PIK3C2B: variants seen among roughly 807,000 people sequenced by gnomAD.
PIK3C2B encodes phosphatidylinositol-4-phosphate 3-kinase catalytic subunit type 2 beta, also known as phosphatidylinositol 4-phosphate 3-kinase C2 domain-containing subunit beta.
Under a neutral mutation model 184.3 loss-of-function variants are expected in PIK3C2B, and 83 were observed. The ratio of observed to expected loss-of-function variants is 0.45; its 90% CI spans 0.38 to 0.54. The LOEUF (loss-of-function observed/expected upper bound fraction) is 0.54, where lower values mean the gene tolerates loss of function less well. PIK3C2B is among the 20% of genes least tolerant of loss of function. The pLI, the probability that PIK3C2B is intolerant of heterozygous loss-of-function variation, is 0.00. For missense variants in PIK3C2B, 1,736 were observed against 2,113.5 expected, an observed-to-expected ratio of 0.82 and a Z score of 3.50; for synonymous variants, 779 against 837.6, an observed-to-expected ratio of 0.93 and a Z score of 1.21.
chr1:204,468,582 A>G (rs1381184229), intron 2 of PIK3C2B, among the ~76,000 whole-genome samples: 3 of 152,268 alleles, frequency 2.0e-5, no homozygotes, highest in Admixed American at 2.0e-4. Flanking sequence ...TACATCAGGA[A>G]GCAGGCACAC....
chr1:204,481,654 G>A (rs1657159661), intron 1 of PIK3C2B, among the ~76,000 whole-genome samples: 2 of 152,176 alleles, frequency 1.3e-5, no homozygotes. Context: ...GGCAGCTCCG[G>A]CCCTTCCCCA....
chr1:204,475,674 C>T lies in PIK3C2B; in HGVS notation c.-84-5788G>A, dbSNP rs148286556. On this transcript the variant is annotated intron_variant, in intron 1 of 32. Coordinates refer to ENST00000684373, the MANE Select transcript of PIK3C2B (RefSeq NM_001377334.1). ...TCTGGGATTCCTTGATTCCAACCTA[C>T]TGATTCCTTAGGTCAAATCTCTCAG... 9.8e-3 allele frequency among the ~76,000 whole-genome samples: 1,492 copies of T among 152,326 alleles called. 13 individuals are homozygous for T. Among genetic ancestry groups the T allele is most frequent in the Middle Eastern group, 0.027 (8 of 294 alleles).
rs1207675916 is a variant in PIK3C2B, at chr1:204,427,707, G to A, written c.4528C>T (p.Leu1510=). ...PVGKVGGEVK[L]SISYKNNKLF... is the part of the protein sequence containing the mutation. ...TTATTGTTTTTGTAGGAGATGGACAGCTTCACCTCCCCTCCCACCTTTCCG... is the reference window on the plus strand; with the variant it reads ...TTATTGTTTTTGTAGGAGATGGACAACTTCACCTCCCCTCCCACCTTTCCG... The change falls in exon 31 of 33, where the codon CTG becomes TTG. Residue 1510 remains leucine, a synonymous_variant. Coordinates refer to ENST00000684373, the MANE Select transcript of PIK3C2B (RefSeq NM_001377334.1). 6.2e-7 allele frequency: 1 copy of A among 1,614,124 alleles called. No homozygotes were observed. Among genetic ancestry groups the A allele is most frequent in the Non-Finnish European group, 8.5e-7 (1 of 1,179,956 alleles).
chr1:204,446,985 G>A (rs974687423), intron 15 of PIK3C2B, among the ~76,000 whole-genome samples: 23 of 152,016 alleles, frequency 1.5e-4, no homozygotes, highest in African/African-American at 4.6e-4. Flanking sequence ...CTGGACTCAC[G>A]TACCCCTGAG....
rs933002422 is a variant in PIK3C2B, at chr1:204,431,631, C to T, written c.4280+38G>A. The T allele has an allele frequency of 1.4e-5, 22 of 1,612,724 alleles. No individual in the cohort carries two copies. In the Admixed American group the frequency reaches 2.0e-4, roughly 15 times the overall value. On this transcript the variant is annotated intron_variant, in intron 28 of 32. Transcript: ENST00000684373. ...CCATCCCGTATCCTTTCCCCCTCCCCGACATCCCTCTGTGCAGATAGTAAA... is the reference window on the plus strand; with the variant it reads ...CCATCCCGTATCCTTTCCCCCTCCCTGACATCCCTCTGTGCAGATAGTAAA...
intron 32 of PIK3C2B, 146 bp from the exon 33 acceptor site, chr1:204,425,186 A>T (rs1674681187): frequency 3.1e-6 from 2 of 635,328 alleles, no homozygotes; most frequent in Non-Finnish European, 5.6e-6. Flanking sequence ...GGTAATACAG[A>T]AGGCACACAA....
chr1:204,492,035 C>T (rs1242558163), intron 1 of PIK3C2B, among the ~76,000 whole-genome samples: 1 of 152,190 alleles, frequency 6.6e-6, no homozygotes. Context: ...ACTACTCTTT[C>T]CTTAGCAAGA....
chr1:204,426,321 G>C (rs1377449465), intron 31 of PIK3C2B, among the ~76,000 whole-genome samples: 2 of 152,142 alleles, frequency 1.3e-5, no homozygotes, highest in Non-Finnish European at 2.9e-5. Flanking sequence ...TCTCGACTTT[G>C]CTCCATCGGC....
Position 204,443,997 on chromosome 1 carries a change from G to A in PIK3C2B, c.2867+71C>T, listed in dbSNP as rs1026981621. 49 of 1,067,164 alleles carry A rather than the reference G, an allele frequency of 4.6e-5. 1 individual carries two copies. Among genetic ancestry groups the A allele is most frequent in the South Asian group, 2.5e-4 (20 of 78,872 alleles). 66.1% of individuals were successfully genotyped at this position (1,067,164 alleles called of 1,614,324 possible). ...GGACAACTCAGTTCCTTGCCCTTGC[G>A]TGCCTAAGAGTGAAATACTCCTACG... On this transcript the variant is annotated intron_variant, in intron 18 of 32. Transcript: ENST00000684373.
rs1489048510 is a variant in PIK3C2B, at chr1:204,465,395, A to G, written c.934-76T>C. 4 of 854,586 alleles carry G rather than the reference A, an allele frequency of 4.7e-6. No homozygotes were observed. In the African/African-American group the frequency reaches 6.8e-5, roughly 14 times the overall value. The allele number at this position is 854,586 out of a possible 1,614,324, so 52.9% of individuals were successfully genotyped here. The stretch of plus-strand genomic sequence containing the variant: ...TCCCTATGAGGTACTCCAGACCTAA[A>G]CTCAAACTCTAGATGAAAAGACTTT... On this transcript the variant is annotated intron_variant, in intron 2 of 32. Transcript: ENST00000684373.
chr1:204,442,957 C>T (rs996433294), intron 19 of PIK3C2B, among the ~76,000 whole-genome samples: 2 of 152,184 alleles, frequency 1.3e-5, no homozygotes, highest in East Asian at 1.9e-4. Context: ...ACAATCTGGA[C>T]GTTGATACAA....
At chr1:204,466,290 G>T (rs1474594398) in intron 2 of PIK3C2B, among the ~76,000 whole-genome samples, 2 of 152,194 alleles carry the variant, frequency 1.3e-5, no homozygotes, top group African/African-American at 2.4e-5. Flanking sequence ...AGCTGTTTCT[G>T]GCGGGAGTCT....
intron 21 of PIK3C2B, 83 bp downstream of exon 21, chr1:204,441,388 C>T: frequency 3.7e-6 from 3 of 811,418 alleles, no homozygotes; most frequent in South Asian, 1.5e-5. Context: ...AAGAGAACCA[C>T]CCAGGGGCTA....
At chr1:204,485,576 C>CT (rs11407141) in intron 1 of PIK3C2B, among the ~76,000 whole-genome samples, 61,425 of 140,328 alleles carry the variant, frequency 0.44, 13,866 homozygotes, top group Admixed American at 0.5. Flanking sequence ...GTCATTCTTC[C>CT]TTTTTTTTTT....
chr1:204,468,792 G>T (rs896579845), intron 2 of PIK3C2B, 78 bp downstream of exon 2: 284 of 1,284,056 alleles, frequency 2.2e-4, no homozygotes, highest in Non-Finnish European at 3.0e-4. Flanking sequence ...AGAGTTGGAT[G>T]TAGAACAGCA....
At chr1:204,465,391 C>T (rs1216102897) in intron 2 of PIK3C2B, 72 bp from the exon 3 acceptor site, 17 of 894,784 alleles carry the variant, frequency 1.9e-5, no homozygotes, top group Non-Finnish European at 3.0e-5. Context: ...TACTCCAGAC[C>T]TAAACTCAAA....
chr1:204,441,437 C>A, intron 21 of PIK3C2B, 34 bp downstream of exon 21: 13 of 1,456,030 alleles, frequency 8.9e-6, no homozygotes, highest in Non-Finnish European at 1.3e-5. Context: ...TCTCTCCCAC[C>A]CTGGTCCACC....
chr1:204,428,052 A>G lies in PIK3C2B; in HGVS notation c.4480+87T>C. 4.0e-6 allele frequency: 3 copies of G among 754,842 alleles called. No homozygotes were observed. The South Asian group carries it at 4.6e-5, about 12-fold the overall frequency. 46.8% of individuals were successfully genotyped at this position (754,842 alleles called of 1,614,324 possible). ...GGAACAGGAGGCAAGTCAAGGAGAG[A>G]GAACTGAGAAGAGGTTGGGGCAGAA... On this transcript the variant is annotated intron_variant, in intron 30 of 32. Coordinates refer to ENST00000684373, the MANE Select transcript of PIK3C2B (RefSeq NM_001377334.1).
chr1:204,460,575 A>G lies in PIK3C2B; in HGVS notation c.1397T>C (p.Val466Ala), dbSNP rs1195190376. 4 of 1,613,846 alleles carry G rather than the reference A, an allele frequency of 2.5e-6. No homozygotes were observed. Among genetic ancestry groups the G allele is most frequent in the Admixed American group, 3.3e-5 (2 of 59,998 alleles). ...CGTCCGGGCCAGGTCACTGCGCACAACCTTCTGCTCCATCAGCTGTAGCCG... is the reference window on the plus strand; with the variant it reads ...CGTCCGGGCCAGGTCACTGCGCACAGCCTTCTGCTCCATCAGCTGTAGCCG... ...DIRLQLMEQKVVRSDLARTVN... is the reference protein window; with the variant it reads ...DIRLQLMEQKAVRSDLARTVN... The change falls in exon 6 of 33, where the codon GTT becomes GCT. Residue 466 changes from valine to alanine, a missense_variant. Val to Ala is a moderately conservative substitution (Grantham distance 64). Around this residue, in one of 8 missense-constraint regions of PIK3C2B, gnomAD observed 609 missense variants for 699.2 expected, o/e 0.87. Coordinates refer to ENST00000684373, the MANE Select transcript of PIK3C2B (RefSeq NM_001377334.1).
Sources: allele counts gnomAD v4.1 joint callset (sites outside exome capture counted in the v4.1 genomes callset), GRCh38; gene constraint gnomAD v4.1.1; regional missense constraint gnomAD v4.1.1; transcripts MANE v1.5; gene names NCBI Gene and HGNC (gene_info 2026-07-23, HGNC 2026-07-21).